Variants in DLG2 observed in about 807,000 individuals in gnomAD.
DLG2 encodes the protein discs large MAGUK scaffold protein 2, also known as disks large homolog 2.
A neutral mutation model predicts 132.5 loss-of-function variants in DLG2; 45 were observed. That is an observed-to-expected ratio of 0.34 (90% CI 0.27 to 0.44). The LOEUF is 0.44. Among genes scored for constraint, DLG2 ranks in the 20% least tolerant of loss-of-function variants. The pLI is 1.00. For missense variants in DLG2, 1,045 were observed against 1,196.9 expected (o/e 0.87, Z 1.87); for synonymous variants, 424 against 419.6 (o/e 1.01, Z -0.13).
intron 16 of DLG2, among the ~76,000 whole-genome samples, chr11:83,872,756 T>C (rs1471665121): frequency 1.3e-5 from 2 of 152,202 alleles, no homozygotes; most frequent in East Asian, 3.9e-4. Context: ...TTCATCATAG[T>C]TGAAGGAAGT....
intron 6 of DLG2, among the ~76,000 whole-genome samples, chr11:84,905,835 C>G (rs2091443936): frequency 6.6e-6 from 1 of 152,148 alleles, no homozygotes; most frequent in East Asian, 1.9e-4. Context: ...AAAGCCTGAG[C>G]CATTTGACCT....
At chr11:84,307,777 T>C (rs2098240293) in intron 7 of DLG2, among the ~76,000 whole-genome samples, 1 of 151,564 alleles carries the variant, frequency 6.6e-6, no homozygotes, top group Non-Finnish European at 1.5e-5. Context: ...CTGGAGTTTG[T>C]TCCTTCTGAT....
At chr11:83,937,676 A>T (rs1204738823) in intron 14 of DLG2, among the ~76,000 whole-genome samples, 1 of 152,180 alleles carries the variant, frequency 6.6e-6, no homozygotes, top group Non-Finnish European at 1.5e-5. Context: ...GACAATTAGT[A>T]TCCAATCACA....
At chr11:83,525,735 G>A (rs2035570437) in intron 21 of DLG2, among the ~76,000 whole-genome samples, 1 of 152,106 alleles carries the variant, frequency 6.6e-6, no homozygotes, top group Non-Finnish European at 1.5e-5. Flanking sequence ...TGAGATCTTT[G>A]CCTGGCTCTG....
intron 11 of DLG2, among the ~76,000 whole-genome samples, chr11:84,026,118 C>T (rs1402872915): frequency 4.0e-5 from 6 of 151,768 alleles, no homozygotes; most frequent in South Asian, 2.1e-4. Context: ...AGTTATAGGA[C>T]GGAGGGAGGA....
chr11:84,945,266 G>A lies in DLG2; in HGVS notation c.357+166395C>T, dbSNP rs540586181. On this transcript the variant is annotated intron_variant, in intron 6 of 27. Coordinates refer to ENST00000376104, the MANE Select transcript of DLG2 (RefSeq NM_001142699.3). ...CACTATAGCCGTATCTGCACTAGGC[G>A]ACACCCCAACCCCAAGCCCAAGAAC... Among the ~76,000 whole-genome samples, 5 of 152,266 alleles carry A rather than the reference G, an allele frequency of 3.3e-5. No homozygotes were observed. In the South Asian group the frequency reaches 8.3e-4, roughly 25 times the overall value.
chr11:85,281,357 G>A (rs2078210402), intron 4 of DLG2, among the ~76,000 whole-genome samples: 1 of 151,898 alleles, frequency 6.6e-6, no homozygotes, highest in African/African-American at 2.4e-5. Flanking sequence ...GGAATCATTG[G>A]GTGGCACACT....
chr11:83,643,230 G>A (rs1326463546), intron 18 of DLG2, among the ~76,000 whole-genome samples: 1 of 152,168 alleles, frequency 6.6e-6, no homozygotes, highest in African/African-American at 2.4e-5. Context: ...TCTCAAAAGT[G>A]GAATTAGATT....
chr11:85,597,264 T>C (rs191251430), intron 3 of DLG2, among the ~76,000 whole-genome samples: 1 of 152,228 alleles, frequency 6.6e-6, no homozygotes, highest in Admixed American at 6.5e-5. Flanking sequence ...AAAATGCAAA[T>C]TCTCAAAAGA....
intron 18 of DLG2, chr11:83,724,864 T>C (rs1359628153): frequency 1.4e-6 from 1 of 702,490 alleles, no homozygotes; most frequent in East Asian, 2.7e-5. Flanking sequence ...ACCACAGCTC[T>C]TTAGCAAGTT....
At chr11:84,733,303 T>C (rs2063396625) in intron 6 of DLG2, among the ~76,000 whole-genome samples, 1 of 152,186 alleles carries the variant, frequency 6.6e-6, no homozygotes, top group Admixed American at 6.5e-5. Flanking sequence ...CCAGCACCTG[T>C]TGTTTCCTGA....
At chr11:84,311,379 C>T (rs2154388407) in intron 7 of DLG2, among the ~76,000 whole-genome samples, 1 of 152,204 alleles carries the variant, frequency 6.6e-6, no homozygotes, top group African/African-American at 2.4e-5. Flanking sequence ...ACCGTATTTT[C>T]AATTCTTATA....
At chr11:85,257,775 AC>A (rs2076743018) in intron 4 of DLG2, among the ~76,000 whole-genome samples, 1 of 152,206 alleles carries the variant, frequency 6.6e-6, no homozygotes. Flanking sequence ...CCAGGAAACA[AC>A]TTCTCCATAA....
intron 7 of DLG2, among the ~76,000 whole-genome samples, chr11:84,475,846 G>A (rs928908700): frequency 5.3e-5 from 8 of 152,098 alleles, no homozygotes; most frequent in Non-Finnish European, 1.0e-4. Context: ...ACACTCTGGT[G>A]CCCAAGCTGT....
chr11:84,166,510 A>AAG (rs2095666537), intron 8 of DLG2, among the ~76,000 whole-genome samples: 1 of 149,578 alleles, frequency 6.7e-6, no homozygotes, highest in African/African-American at 2.5e-5. Flanking sequence ...CAAAAAAAAA[A>AAG]AAAAAAAAAA....
At chr11:84,169,690 T>C (rs1027193214) in intron 8 of DLG2, among the ~76,000 whole-genome samples, 5 of 54,028 alleles carry the variant, frequency 9.3e-5, no homozygotes, top group African/African-American at 1.7e-4. Context: ...ATAGCCAACA[T>C]GATAAAACCC....
At chr11:84,356,992 G>A (rs2098617526) in intron 7 of DLG2, among the ~76,000 whole-genome samples, 1 of 152,052 alleles carries the variant, frequency 6.6e-6, no homozygotes, top group African/African-American at 2.4e-5. Context: ...GAATGAGTAA[G>A]AGAGTTGCAC....
intron 6 of DLG2, among the ~76,000 whole-genome samples, chr11:84,675,446 A>T (rs2099710246): frequency 6.6e-6 from 1 of 152,106 alleles, no homozygotes; most frequent in African/African-American, 2.4e-5. Context: ...ATTTTTAACA[A>T]ATAAGATGAA....
chr11:84,740,407 C>T (rs920307907), intron 6 of DLG2, among the ~76,000 whole-genome samples: 3 of 152,272 alleles, frequency 2.0e-5, no homozygotes, highest in Admixed American at 1.3e-4. Flanking sequence ...TCTTCCAAGC[C>T]CTGAGCCCAG....
Sources: allele counts gnomAD v4.1 joint callset (sites outside exome capture counted in the v4.1 genomes callset), GRCh38; gene constraint gnomAD v4.1.1; transcripts MANE v1.5; gene names NCBI Gene and HGNC (gene_info 2026-07-23, HGNC 2026-07-21).